The following LSS variants were observed in gnomAD, a reference collection of about 807,000 sequenced individuals.
LSS encodes 2,3-epoxysqualene-lanosterol cyclase.
LSS carries 90 observed loss-of-function variants against 110.3 expected under a neutral mutation model. The observed-to-expected ratio is 0.82, with a 90% CI of 0.69 to 0.97. The LOEUF (loss-of-function observed/expected upper bound fraction) is 0.97. Ranked by LOEUF, LSS falls within the 50% of genes least tolerant of loss-of-function variation. The pLI, the probability that LSS is intolerant of heterozygous loss-of-function variation, is 0.00. For missense variants in LSS, 927 were observed against 990.0 expected (o/e 0.94, Z 0.85); for synonymous variants, 433 against 400.0 (o/e 1.08, Z -0.98).
rs1391697506 is a variant in LSS, at chr21:46,216,735, G to A, written c.648-211C>T. 3.9e-5 allele frequency among the ~76,000 whole-genome samples: 6 copies of A among 152,138 alleles called. No individual in the cohort carries two copies. The highest frequency in any genetic ancestry group is 1.9e-4 in the East Asian group (1 of 5,184). ...TCTGAGGAGCTGCACCTCCTAGTTC[G>A]GTCAGCATTTTGCATCCTAAAACCA... On this transcript the variant is annotated intron_variant, in intron 6 of 21. Transcript: ENST00000397728. The surrounding 1 kb of genome is among the most constrained non-coding windows in gnomAD (Gnocchi z 4.2).
intron 17 of LSS, among the ~76,000 whole-genome samples, chr21:46,198,849 A>AT (rs2079944197): frequency 6.6e-6 from 1 of 151,806 alleles, no homozygotes; most frequent in Non-Finnish European, 1.5e-5. Flanking sequence ...AAAAAAAAAA[A>AT]AAATCTAGAC....
At position 46,194,602 on chromosome 21, in the gene LSS, T is replaced by C. The variant is rs1241910134; in HGVS notation, c.1877A>G (p.Asp626Gly). The C allele has an allele frequency of 1.2e-6, 2 of 1,613,786 alleles. No homozygotes were observed. Among genetic ancestry groups the C allele is most frequent in the South Asian group, 2.2e-5 (2 of 91,078 alleles). Residue 626 changes from aspartate to glycine, a missense_variant, in exon 20 of 22, where the codon GAC becomes GGC. Physicochemically the swap from Asp to Gly is moderately conservative, Grantham distance 94 (BLOSUM62 -1). Coordinates refer to ENST00000397728, the MANE Select transcript of LSS (RefSeq NM_002340.6). The part of the protein sequence containing the change: ...CDFLLSRQMA[D>G]GGWGEDFESC... ...CTCAAAGTCCTCCCCCCAGCCTCCG[T>C]CTGCCATCTGCCGGGACAGCAGGAA...
At chr21:46,223,408 C>A (rs565253614) in intron 3 of LSS, among the ~76,000 whole-genome samples, 1 of 152,254 alleles carries the variant, frequency 6.6e-6, no homozygotes, top group South Asian at 2.1e-4. Context: ...GGACAGGTCT[C>A]AGGGCAGACC....
At chr21:46,193,125 G>A (rs917587695) in intron 20 of LSS, 1 of 446,736 alleles carries the variant, frequency 2.2e-6, no homozygotes, top group Middle Eastern at 4.5e-4. Flanking sequence ...AGGTGCCTGT[G>A]CATGCATACG....
At chr21:46,198,677 G>C (rs886703647) in intron 17 of LSS, among the ~76,000 whole-genome samples, 1 of 152,014 alleles carries the variant, frequency 6.6e-6, no homozygotes, top group African/African-American at 2.4e-5. Context: ...TTGCTGAGAA[G>C]AACAAACAGA....
intron 14 of LSS, 37 bp downstream of exon 14, chr21:46,208,214 G>C (rs764483065): frequency 6.5e-7 from 1 of 1,548,202 alleles, no homozygotes; most frequent in Admixed American, 2.0e-5. Flanking sequence ...GGCCTCCCCT[G>C]GGGGACGGGA....
At chr21:46,211,124 G>T (rs1402079436) in intron 11 of LSS, among the ~76,000 whole-genome samples, 1 of 152,078 alleles carries the variant, frequency 6.6e-6, no homozygotes, top group Non-Finnish European at 1.5e-5. Context: ...GCCTGGAAAT[G>T]ACCCCATTTC....
At chr21:46,211,646 C>T (rs1477373394) in intron 11 of LSS, among the ~76,000 whole-genome samples, 1 of 152,136 alleles carries the variant, frequency 6.6e-6, no homozygotes, top group Non-Finnish European at 1.5e-5. Context: ...GGCATCCAGA[C>T]ATCGTGCACT....
In LSS at chr21:46,207,430, C is replaced by G; in HGVS notation, c.1465G>C (p.Val489Leu). 1 of 1,612,048 alleles carries G rather than the reference C, an allele frequency of 6.2e-7. No individual in the cohort carries two copies. Among genetic ancestry groups the G allele is most frequent in the Admixed American group, 1.7e-5 (1 of 59,824 alleles). ...GGCTGCTGGGACCACAGCCTTACCA[C>G]AGCCACAGCATCGCAGAGCCGTTCT... ...PRERLCDAVA[V>L]LLNMRNPDGG... The change falls in exon 15 of 22, where the codon GTG becomes CTG. Residue 489 changes from valine to leucine, a missense_variant and splice_region_variant. Physicochemically the swap from Val to Leu is conservative, Grantham distance 32. Coordinates refer to ENST00000397728, the MANE Select transcript of LSS (RefSeq NM_002340.6).
chr21:46,189,553 A>G lies in LSS; in HGVS notation c.*1551T>C. ...AGCACATGGGGCAAGGGAGCTGGAC[A>G]GAAGACCCCAGAGGGTGCGGCACCT... On this transcript the variant is annotated 3_prime_UTR_variant, in exon 22 of 22. Transcript: ENST00000397728. 2.4e-6 allele frequency: 1 copy of G among 413,646 alleles called. No homozygotes were observed. The highest frequency in any genetic ancestry group is 1.8e-5 in the South Asian group (1 of 56,684). 25.6% of individuals were successfully genotyped at this position (413,646 alleles called of 1,614,324 possible). A position where few individuals can be genotyped will look rare whatever the true frequency, so the allele number is the denominator to read the frequency against.
At chr21:46,211,284 A>G (rs2080129034) in intron 11 of LSS, among the ~76,000 whole-genome samples, 1 of 152,028 alleles carries the variant, frequency 6.6e-6, no homozygotes, top group Non-Finnish European at 1.5e-5. Flanking sequence ...CTGCCAGCAC[A>G]CCCAGCTAAT....
At chr21:46,214,488 A>G (rs1225292981) in intron 9 of LSS, among the ~76,000 whole-genome samples, 1 of 152,208 alleles carries the variant, frequency 6.6e-6, no homozygotes, top group African/African-American at 2.4e-5. Flanking sequence ...TCCGAGATGC[A>G]GTGTCAGGGT....
Position 46,211,094 on chromosome 21 carries a change from C to T in LSS, c.1138-350G>A, listed in dbSNP as rs187678592. On this transcript the variant is annotated intron_variant, in intron 11 of 21. Coordinates refer to ENST00000397728, the MANE Select transcript of LSS (RefSeq NM_002340.6). ...AGCTGCTCTCACCCAATGACAGTGGCGCACCTCAGTCATGGTGATGCCTGG... is the reference window on the plus strand; with the variant it reads ...AGCTGCTCTCACCCAATGACAGTGGTGCACCTCAGTCATGGTGATGCCTGG... Among the ~76,000 whole-genome samples, 13 of 152,306 alleles carry T rather than the reference C, an allele frequency of 8.5e-5. No individual in the cohort carries two copies. The East Asian group carries it at 1.9e-3, about 23-fold the overall frequency.
At chr21:46,211,720 C>T (rs2080137042) in intron 11 of LSS, among the ~76,000 whole-genome samples, 1 of 152,184 alleles carries the variant, frequency 6.6e-6, no homozygotes, top group East Asian at 1.9e-4. Context: ...GGGATCGAGC[C>T]TCAGGGCCTG....
intron 15 of LSS, 124 bp from the exon 16 acceptor site, chr21:46,206,892 C>A: frequency 2.8e-6 from 2 of 726,456 alleles, no homozygotes; most frequent in Admixed American, 2.1e-5. Context: ...GAACAGGGGG[C>A]GGAGAGCTGA....
Position 46,196,286 on chromosome 21 carries a change from C to A in LSS, c.1671-19G>T, listed in dbSNP as rs762453322. The stretch of plus-strand genomic sequence containing the variant: ...GGTCTCCCTGGAACACGAGATTGGT[C>A]CAGTGAACATTCTGGTAAAACAGCA... On this transcript the variant is annotated intron_variant, in intron 17 of 21. Coordinates refer to ENST00000397728, the MANE Select transcript of LSS (RefSeq NM_002340.6). 6 of 1,610,508 alleles carry A rather than the reference C, an allele frequency of 3.7e-6. No homozygotes were observed. The South Asian group carries it at 5.5e-5, about 15-fold the overall frequency.
Position 46,216,354 on chromosome 21 carries a change from A to G in LSS, c.783+35T>C, listed in dbSNP as rs778156091. On this transcript the variant is annotated intron_variant, in intron 7 of 21. Transcript: ENST00000397728. The surrounding 1 kb of genome is among the most constrained non-coding windows in gnomAD (Gnocchi z 4.2). ...CCCAGGCCCTGTGGGTCCCAGCCCCAGAGGCCTTCACTTTGTTCCCTGATG... is the reference window on the plus strand; with the variant it reads ...CCCAGGCCCTGTGGGTCCCAGCCCCGGAGGCCTTCACTTTGTTCCCTGATG... 1.2e-6 allele frequency: 2 copies of G among 1,612,852 alleles called. No individual in the cohort carries two copies. Among genetic ancestry groups the G allele is most frequent in the South Asian group, 1.1e-5 (1 of 91,060 alleles).
Position 46,216,261 on chromosome 21 carries a change from G to T in LSS, c.783+128C>A. On this transcript the variant is annotated intron_variant, in intron 7 of 21. Transcript: ENST00000397728. This position sits in a 1 kb window ranked among gnomAD's most constrained non-coding sequence, Gnocchi z 4.2. ...TAGGATGGAGGAAGGTGGAGGCTCT[G>T]CTCCACAGGGCTCTCCGCTCCACAG... is the stretch of plus-strand genomic sequence containing the variant. 2.6e-6 allele frequency: 3 copies of T among 1,161,612 alleles called. No individual in the cohort carries two copies. Among genetic ancestry groups the T allele is most frequent in the Non-Finnish European group, 3.8e-6 (3 of 797,694 alleles). 72.0% of individuals were successfully genotyped at this position (1,161,612 alleles called of 1,614,324 possible).
intron 2 of LSS, among the ~76,000 whole-genome samples, chr21:46,227,900 T>G (rs1359163506): frequency 6.6e-6 from 1 of 152,236 alleles, no homozygotes; most frequent in Non-Finnish European, 1.5e-5. Context: ...CGTTGCTTTA[T>G]TTGCCAGTCA....
Sources: allele counts gnomAD v4.1 joint callset (sites outside exome capture counted in the v4.1 genomes callset), GRCh38; gene constraint gnomAD v4.1.1; non-coding constraint Gnocchi (gnomAD v3.1); transcripts MANE v1.5; gene names NCBI Gene and HGNC (gene_info 2026-07-23, HGNC 2026-07-21).